LYPD6B: variants seen among roughly 807,000 people sequenced by gnomAD.
LYPD6B encodes the protein ly6/PLAUR domain-containing protein 6B.
A neutral mutation model predicts 22.8 loss-of-function variants in LYPD6B; 17 were observed. The ratio of observed to expected loss-of-function variants is 0.75; its 90% CI spans 0.51 to 1.12. The LOEUF (loss-of-function observed/expected upper bound fraction) is 1.12. LYPD6B is among the 50% of genes most tolerant of loss of function. LYPD6B has a pLI of 0.00. For synonymous variants in LYPD6B, 106 were observed against 91.6 expected, an observed-to-expected ratio of 1.16 and a Z score of -0.90; for missense variants, 221 against 258.3, an observed-to-expected ratio of 0.86 and a Z score of 0.99.
At chr2:149,067,973 G>T (rs1684420065) in intron 1 of LYPD6B, among the ~76,000 whole-genome samples, 1 of 152,144 alleles carries the variant, frequency 6.6e-6, no homozygotes. Context: ...GGGAGGGAAT[G>T]ATCTCAACAG....
At chr2:149,166,439 A>G (rs1265282391) in intron 3 of LYPD6B, among the ~76,000 whole-genome samples, 2 of 152,142 alleles carry the variant, frequency 1.3e-5, no homozygotes, top group African/African-American at 2.4e-5. Context: ...TAATCTATAA[A>G]TTAGGGACCC....
In LYPD6B at chr2:149,043,866, G is replaced by C. The variant is rs141173329; in HGVS notation, c.-67+5065G>C. Among the ~76,000 whole-genome samples the C allele has an allele frequency of 1.5e-3, 227 of 152,182 alleles. 1 individual carries two copies. The highest frequency in any genetic ancestry group is 2.8e-3 in the Non-Finnish European group (190 of 67,942). ...GGTATGTGGGAGTCCAAATGTTCCAGCACCATTTGTTGAAATGACTGTCCT... is the reference window on the plus strand; with the variant it reads ...GGTATGTGGGAGTCCAAATGTTCCACCACCATTTGTTGAAATGACTGTCCT... On this transcript the variant is annotated intron_variant, in intron 1 of 6. Transcript: ENST00000409642.
intron 1 of LYPD6B, among the ~76,000 whole-genome samples, chr2:149,109,818 T>C (rs1381292222): frequency 2.6e-5 from 4 of 152,122 alleles, no homozygotes; most frequent in Non-Finnish European, 5.9e-5. Context: ...TTCAAGCGAT[T>C]ATCCTTCCTC....
chr2:149,184,544 G>A (rs1328455056), intron 3 of LYPD6B, among the ~76,000 whole-genome samples: 1 of 152,308 alleles, frequency 6.6e-6, no homozygotes, highest in East Asian at 1.9e-4. Context: ...CCACTACCTA[G>A]TAGGCCTCAT....
intron 1 of LYPD6B, among the ~76,000 whole-genome samples, chr2:149,125,894 C>T (rs1687670376): frequency 1.3e-5 from 2 of 152,116 alleles, no homozygotes; most frequent in African/African-American, 4.8e-5. Context: ...TGATAGTAAA[C>T]TCCTCTGTTT....
chr2:149,083,579 C>A (rs943114588), intron 1 of LYPD6B, among the ~76,000 whole-genome samples: 6 of 152,158 alleles, frequency 3.9e-5, no homozygotes, highest in Non-Finnish European at 7.4e-5. Context: ...TTGATGGTTT[C>A]TTTGCATGTC....
intron 2 of LYPD6B, among the ~76,000 whole-genome samples, chr2:149,151,700 T>C (rs1415928504): frequency 1.3e-5 from 2 of 152,196 alleles, no homozygotes; most frequent in Non-Finnish European, 2.9e-5. Flanking sequence ...AGAAGTGTTG[T>C]ATTGTTATTT....
At chr2:149,072,481 A>ATTTTT (rs1400372806) in intron 1 of LYPD6B, among the ~76,000 whole-genome samples, 17 of 80,308 alleles carry the variant, frequency 2.1e-4, no homozygotes, top group Admixed American at 4.7e-4. Context: ...TAGGGTGGTT[A>ATTTTT]TTTTTATTTT....
At chr2:149,185,100 G>A (rs1301069418) in intron 3 of LYPD6B, among the ~76,000 whole-genome samples, 1 of 152,166 alleles carries the variant, frequency 6.6e-6, no homozygotes, top group African/African-American at 2.4e-5. Context: ...AGGGAGACCG[G>A]CATCTCCTCC....
chr2:149,175,105 G>T (rs1691200290), intron 3 of LYPD6B, among the ~76,000 whole-genome samples: 1 of 146,008 alleles, frequency 6.8e-6, no homozygotes, highest in African/African-American at 2.5e-5. Context: ...GTCACTTAAT[G>T]ACAAGAATAT....
intron 2 of LYPD6B, among the ~76,000 whole-genome samples, chr2:149,140,607 A>G (rs1426267083): frequency 6.6e-6 from 1 of 152,200 alleles, no homozygotes; most frequent in East Asian, 1.9e-4. Context: ...TTAGATTCAA[A>G]TAATCTCTTT....
intron 3 of LYPD6B, among the ~76,000 whole-genome samples, chr2:149,202,945 A>G (rs72983290): frequency 0.033 from 5,057 of 152,282 alleles, 269 homozygotes; most frequent in African/African-American, 0.11. Context: ...TATAGATGCA[A>G]AAATTTTGGT....
chr2:149,204,656 T>C (rs1165135787), intron 3 of LYPD6B: 2 of 154,450 alleles, frequency 1.3e-5, no homozygotes, highest in Non-Finnish European at 2.9e-5. Flanking sequence ...CAGGAGGGGC[T>C]GGCAGTTCAC....
intron 5 of LYPD6B, among the ~76,000 whole-genome samples, chr2:149,209,716 A>T (rs796533264): frequency 3.9e-5 from 6 of 152,320 alleles, no homozygotes; most frequent in African/African-American, 1.2e-4. Context: ...ATCGTATGCC[A>T]TAAATTAGCA....
intron 1 of LYPD6B, among the ~76,000 whole-genome samples, chr2:149,115,609 G>A (rs986055936): frequency 1.3e-5 from 2 of 152,148 alleles, no homozygotes; most frequent in Non-Finnish European, 2.9e-5. Context: ...TTCCTCTGCT[G>A]TGGTGATTGT....
intron 1 of LYPD6B, among the ~76,000 whole-genome samples, chr2:149,121,469 A>G (rs1164018226): frequency 6.6e-6 from 1 of 152,216 alleles, no homozygotes; most frequent in Non-Finnish European, 1.5e-5. Flanking sequence ...TGATTGTTGC[A>G]GTCCCAGCAG....
At chr2:149,171,453 T>G (rs536382032) in intron 3 of LYPD6B, among the ~76,000 whole-genome samples, 2 of 152,274 alleles carry the variant, frequency 1.3e-5, no homozygotes, top group Admixed American at 6.5e-5. Context: ...TCCCCTTCCC[T>G]TTCAATTTTT....
chr2:149,124,592 G>A (rs985584692), intron 1 of LYPD6B, among the ~76,000 whole-genome samples: 3 of 152,054 alleles, frequency 2.0e-5, no homozygotes, highest in Non-Finnish European at 2.9e-5. Context: ...TGCATTAGCC[G>A]GGCAACTATT....
Position 149,214,829 on chromosome 2 carries a change from C to A in LYPD6B, c.*119C>A. 2 of 1,068,996 alleles carry A rather than the reference C, an allele frequency of 1.9e-6. No individual in the cohort carries two copies. Among genetic ancestry groups the A allele is most frequent in the Non-Finnish European group, 2.8e-6 (2 of 711,200 alleles). 66.2% of individuals were successfully genotyped at this position (1,068,996 alleles called of 1,614,324 possible). ...ACTTGGTGAAGAGTGCACATTGGAC[C>A]TCAAGGCGAAAGCCAGTGGTTTGCT... is the stretch of plus-strand genomic sequence containing the variant. On this transcript the variant is annotated 3_prime_UTR_variant, in exon 7 of 7. Transcript: ENST00000409642.
Sources: allele counts gnomAD v4.1 joint callset (sites outside exome capture counted in the v4.1 genomes callset), GRCh38; gene constraint gnomAD v4.1.1; transcripts MANE v1.5; gene names NCBI Gene and HGNC (gene_info 2026-07-23, HGNC 2026-07-21).